The following CNTNAP4 variants were observed in gnomAD, a reference collection of about 807,000 sequenced individuals.
CNTNAP4 encodes contactin-associated protein-like 4.
In CNTNAP4, 98 loss-of-function variants were observed where a neutral mutation model predicts 148.4. The observed-to-expected ratio is 0.66, with a 90% CI of 0.56 to 0.78. The LOEUF (loss-of-function observed/expected upper bound fraction) is 0.78. Ranked by LOEUF, CNTNAP4 falls within the 30% of genes least tolerant of loss-of-function variation. CNTNAP4 has a pLI of 0.00. For missense variants in CNTNAP4, 1,935 were observed against 1,565.6 expected (o/e 1.24, Z -3.98); for synonymous variants, 730 against 565.1 (o/e 1.29, Z -4.14).
intron 4 of CNTNAP4, among the ~76,000 whole-genome samples, chr16:76,446,148 G>A (rs1398684253): frequency 6.6e-6 from 1 of 152,106 alleles, no homozygotes; most frequent in East Asian, 1.9e-4. Context: ...AAAAAAATTT[G>A]CAGGGTGGTG....
At chr16:76,398,573 G>A (rs1007486980) in intron 3 of CNTNAP4, among the ~76,000 whole-genome samples, 4 of 151,926 alleles carry the variant, frequency 2.6e-5, no homozygotes, top group African/African-American at 4.8e-5. Context: ...ATAGGTAACT[G>A]GAGACACATT....
At chr16:76,414,219 C>A (rs1023599210) in intron 3 of CNTNAP4, among the ~76,000 whole-genome samples, 4 of 151,230 alleles carry the variant, frequency 2.6e-5, no homozygotes, top group Admixed American at 1.3e-4. Flanking sequence ...TTAGACATTG[C>A]CTGCTGGGCT....
chr16:76,424,711 A>G (rs976180470), intron 3 of CNTNAP4, among the ~76,000 whole-genome samples: 5 of 152,020 alleles, frequency 3.3e-5, no homozygotes, highest in African/African-American at 9.7e-5. Flanking sequence ...GTGAGCTGAG[A>G]TTGTGCCACT....
chr16:76,553,642 TC>T lies in CNTNAP4; in HGVS notation c.3661+144del, dbSNP rs375106573. 2.7e-3 allele frequency: 1,832 copies of T among 687,834 alleles called. 3 individuals carry two copies. The highest frequency in any genetic ancestry group is 3.6e-3 in the Non-Finnish European group (1,459 of 405,410). The allele number at this position is 687,834 out of a possible 1,614,324, so 42.6% of individuals were successfully genotyped here. On this transcript the variant is annotated intron_variant, in intron 22 of 23. Transcript: ENST00000611870. ...TGTTTGTTTAGCTTTTAGTTCTCCTTCCCATATCTTTTCTAGGTGCTCAACT... is the reference window on the plus strand; with the variant it reads ...TGTTTGTTTAGCTTTTAGTTCTCCTTCCATATCTTTTCTAGGTGCTCAACT...
At chr16:76,550,108 G>T (rs571410625) in intron 21 of CNTNAP4, among the ~76,000 whole-genome samples, 1 of 151,960 alleles carries the variant, frequency 6.6e-6, no homozygotes, top group Non-Finnish European at 1.5e-5. Flanking sequence ...TGTACTAAGG[G>T]AATAGGGCTG....
At chr16:76,502,753 T>A (rs898624252) in intron 15 of CNTNAP4, among the ~76,000 whole-genome samples, 6 of 152,190 alleles carry the variant, frequency 3.9e-5, no homozygotes, top group Non-Finnish European at 8.8e-5. Context: ...GCTTTCTGAT[T>A]TGAATAAAGC....
At chr16:76,429,226 G>A (rs2079528120) in intron 4 of CNTNAP4, among the ~76,000 whole-genome samples, 2 of 152,076 alleles carry the variant, frequency 1.3e-5, no homozygotes. Flanking sequence ...TTATGATCCT[G>A]CAAACTAGAA....
chr16:76,306,874 T>A (rs1425377384), intron 1 of CNTNAP4, among the ~76,000 whole-genome samples: 1 of 152,206 alleles, frequency 6.6e-6, no homozygotes, highest in African/African-American at 2.4e-5. Context: ...AAGGGGATAT[T>A]TTCATCTGCA....
intron 8 of CNTNAP4, among the ~76,000 whole-genome samples, chr16:76,454,659 A>G (rs1439771049): frequency 1.3e-5 from 2 of 152,192 alleles, no homozygotes; most frequent in Non-Finnish European, 2.9e-5. Flanking sequence ...ATTTGAAAAT[A>G]GACTATTTAA....
intron 15 of CNTNAP4, among the ~76,000 whole-genome samples, chr16:76,520,530 A>T (rs892256098): frequency 1.3e-5 from 2 of 152,174 alleles, no homozygotes; most frequent in Middle Eastern, 3.2e-3. Context: ...TTGGCAAAGT[A>T]AGAGATAATT....
At chr16:76,397,543 T>C (rs1052545516) in intron 3 of CNTNAP4, among the ~76,000 whole-genome samples, 1 of 151,994 alleles carries the variant, frequency 6.6e-6, no homozygotes, top group Non-Finnish European at 1.5e-5. Flanking sequence ...TTTTCATTAT[T>C]ATGCATTTCT....
intron 15 of CNTNAP4, among the ~76,000 whole-genome samples, chr16:76,511,239 C>A (rs1372570638): frequency 6.6e-6 from 1 of 152,126 alleles, no homozygotes; most frequent in Non-Finnish European, 1.5e-5. Context: ...TTAATCAAAG[C>A]ACCCTGAAGC....
chr16:76,448,695 C>A, intron 5 of CNTNAP4, 72 bp from the exon 6 acceptor site: 2 of 1,151,822 alleles, frequency 1.7e-6, no homozygotes, highest in Non-Finnish European at 2.4e-6. Context: ...GATGGTGGTC[C>A]ACAGAAGGGA....
At chr16:76,434,096 TAAG>T (rs1480431704) in intron 4 of CNTNAP4, among the ~76,000 whole-genome samples, 2 of 149,240 alleles carry the variant, frequency 1.3e-5, no homozygotes, top group Non-Finnish European at 3.0e-5. Context: ...ATATATCTAA[TAAG>T]ATACATTTGT....
chr16:76,508,203 A>T (rs2082895449), intron 15 of CNTNAP4, among the ~76,000 whole-genome samples: 1 of 96,808 alleles, frequency 1.0e-5, no homozygotes, highest in Admixed American at 1.0e-4. Flanking sequence ...AAAGAAACCT[A>T]CAGCTTATGA....
chr16:76,449,334 C>T (rs1010975943), intron 6 of CNTNAP4, among the ~76,000 whole-genome samples: 2 of 152,120 alleles, frequency 1.3e-5, no homozygotes, highest in African/African-American at 4.8e-5. Flanking sequence ...AATGTACCAA[C>T]AAATTGATTA....
intron 3 of CNTNAP4, among the ~76,000 whole-genome samples, chr16:76,400,149 T>C (rs2078356767): frequency 1.3e-5 from 2 of 152,200 alleles, no homozygotes; most frequent in South Asian, 4.1e-4. Context: ...ATTACTGTTA[T>C]GTTATAGATG....
chr16:76,361,440 A>G (rs1236652813), intron 3 of CNTNAP4, among the ~76,000 whole-genome samples: 1 of 152,146 alleles, frequency 6.6e-6, no homozygotes, highest in Non-Finnish European at 1.5e-5. Flanking sequence ...ACTTAGCGTT[A>G]TGTCGTCAAA....
intron 1 of CNTNAP4, among the ~76,000 whole-genome samples, chr16:76,311,211 A>G (rs1567658131): frequency 6.6e-6 from 1 of 152,198 alleles, no homozygotes; most frequent in Non-Finnish European, 1.5e-5. Flanking sequence ...TTTGTAAAAT[A>G]AAATTTTCAT....
Sources: allele counts gnomAD v4.1 joint callset (sites outside exome capture counted in the v4.1 genomes callset), GRCh38; gene constraint gnomAD v4.1.1; transcripts MANE v1.5; gene names NCBI Gene and HGNC (gene_info 2026-07-23, HGNC 2026-07-21).